The following ATP8A2 variants were observed in gnomAD, a reference collection of about 807,000 sequenced individuals.
ATP8A2 encodes phospholipid-transporting ATPase IB.
In ATP8A2, 100 loss-of-function variants were observed where a neutral mutation model predicts 165.6. That is an observed-to-expected ratio of 0.60 (90% CI 0.51 to 0.71). The LOEUF is 0.71. ATP8A2 is among the 30% of genes least tolerant of loss of function. The probability of loss-of-function intolerance (pLI) is 0.00; values close to 1 mark genes in which losing one functional copy is unlikely to be tolerated. For synonymous variants in ATP8A2, 543 were observed against 548.8 expected, an observed-to-expected ratio of 0.99 and a Z score of 0.15; for missense variants, 1,227 against 1,479.5, an observed-to-expected ratio of 0.83 and a Z score of 2.80.
intron 1 of ATP8A2, among the ~76,000 whole-genome samples, chr13:25,410,148 C>T (rs1433882677): frequency 6.6e-6 from 1 of 151,722 alleles, no homozygotes; most frequent in Non-Finnish European, 1.5e-5. Flanking sequence ...ACCCCATTAG[C>T]GTCTCCCATC....
intron 33 of ATP8A2, among the ~76,000 whole-genome samples, chr13:25,894,501 T>C (rs1393179712): frequency 6.6e-6 from 1 of 152,232 alleles, no homozygotes; most frequent in Non-Finnish European, 1.5e-5. Context: ...TGGCTTAGGA[T>C]TGACTTGGCA....
intron 18 of ATP8A2, among the ~76,000 whole-genome samples, chr13:25,572,687 C>T (rs1025941746): frequency 6.6e-6 from 1 of 152,058 alleles, no homozygotes; most frequent in African/African-American, 2.4e-5. Context: ...TTATTGTTGT[C>T]TGCATTGATG....
intron 2 of ATP8A2, among the ~76,000 whole-genome samples, chr13:25,483,233 G>C (rs1322663504): frequency 6.6e-6 from 1 of 152,238 alleles, no homozygotes; most frequent in African/African-American, 2.4e-5. Flanking sequence ...CACTAGGCAA[G>C]TGTGATTTCC....
At chr13:25,383,235 G>A (rs56013235) in intron 1 of ATP8A2, among the ~76,000 whole-genome samples, 32,114 of 151,534 alleles carry the variant, frequency 0.21, 3,683 homozygotes, top group Middle Eastern at 0.26. Flanking sequence ...TAGTAGAGAC[G>A]GGGTTTCACC....
intron 25 of ATP8A2, among the ~76,000 whole-genome samples, chr13:25,732,286 T>C (rs1454109607): frequency 1.3e-5 from 2 of 152,220 alleles, no homozygotes; most frequent in African/African-American, 2.4e-5. Flanking sequence ...AAAGAATCTG[T>C]ACCAGAATTC....
chr13:25,447,656 C>T (rs973411988), intron 1 of ATP8A2, among the ~76,000 whole-genome samples: 2 of 152,220 alleles, frequency 1.3e-5, no homozygotes, highest in African/African-American at 4.8e-5. Flanking sequence ...TTGCTGTCCA[C>T]AGATGGCTAA....
At chr13:25,973,606 C>T (rs1389713880) in intron 35 of ATP8A2, among the ~76,000 whole-genome samples, 2 of 152,228 alleles carry the variant, frequency 1.3e-5, no homozygotes, top group Non-Finnish European at 2.9e-5. Context: ...CTCCCGAATG[C>T]ATTCTGAGTG....
chr13:25,517,116 G>T (rs1593444332), intron 2 of ATP8A2: 1 of 147,756 alleles, frequency 6.8e-6, no homozygotes. Flanking sequence ...AAAGCACCTG[G>T]TCATGCTCAC....
chr13:25,648,432 G>T (rs4638423), intron 24 of ATP8A2, among the ~76,000 whole-genome samples: 7 of 151,912 alleles, frequency 4.6e-5, no homozygotes, highest in African/African-American at 1.7e-4. Context: ...TTGGGAGGTC[G>T]AGGCAGGTGG....
At chr13:25,771,941 A>G (rs931587227) in intron 26 of ATP8A2, among the ~76,000 whole-genome samples, 1 of 152,034 alleles carries the variant, frequency 6.6e-6, no homozygotes, top group South Asian at 2.1e-4. Flanking sequence ...ATGTGGATGC[A>G]TTTTTTTTAT....
rs761665290 is a variant in ATP8A2, at chr13:25,571,676, C to T, written c.1646C>T (p.Ser549Leu). ...GTCTTCACAGCCAGAACACCATTCT[C>T]AGTCATCATAGAAGCGGTGAGTAAC... is the stretch of plus-strand genomic sequence containing the variant. ...GFVFTARTPF[S>L]VIIEAMGQEQ... Residue 549 changes from serine (S) to leucine (L), a missense_variant, in exon 18 of 37, where the codon TCA (serine) becomes TTA (leucine). Ser to Leu is a moderately radical substitution (Grantham distance 145). Coordinates refer to ENST00000381655, the MANE Select transcript of ATP8A2 (RefSeq NM_016529.6). 3 of 1,614,048 alleles carry T rather than the reference C, an allele frequency of 1.9e-6. No individual in the cohort carries two copies. Among genetic ancestry groups the T allele is most frequent in the Non-Finnish European group, 2.5e-6 (3 of 1,179,908 alleles).
chr13:25,862,945 T>C (rs977115137), intron 33 of ATP8A2, among the ~76,000 whole-genome samples: 4 of 152,188 alleles, frequency 2.6e-5, no homozygotes, highest in Admixed American at 1.3e-4. Flanking sequence ...ATTTGAATGT[T>C]TTTTATTTTT....
At chr13:25,467,754 T>C (rs2035710000) in intron 1 of ATP8A2, among the ~76,000 whole-genome samples, 1 of 152,046 alleles carries the variant, frequency 6.6e-6, no homozygotes, top group South Asian at 2.1e-4. Flanking sequence ...GGTTTCACCG[T>C]GTTAGCCGGG....
intron 24 of ATP8A2, among the ~76,000 whole-genome samples, chr13:25,646,671 A>AAAAAC (rs10675043): frequency 0.24 from 30,033 of 123,872 alleles, 5,711 homozygotes; most frequent in South Asian, 0.45. Context: ...AAAAAAAAAA[A>AAAAAC]CACACAAAAG....
At chr13:25,685,893 T>A (rs547450693) in intron 24 of ATP8A2, among the ~76,000 whole-genome samples, 18 of 152,160 alleles carry the variant, frequency 1.2e-4, no homozygotes, top group Non-Finnish European at 2.4e-4. Flanking sequence ...GCTGCTCTGA[T>A]GGTCCAGGTG....
At position 25,372,153 on chromosome 13, in the gene ATP8A2, C is replaced by G. The variant is rs963235750; in HGVS notation, c.-60C>G. On this transcript the variant is annotated 5_prime_UTR_variant, in exon 1 of 37. Transcript: ENST00000381655. This position sits in a 1 kb window ranked among gnomAD's most constrained non-coding sequence, Gnocchi z 4.8. ...GTCCTCGGGCGGCGGCCCCTGCGCCCAGCCCTGCGCGTAGCCTCCGTCTCT... is the reference window on the plus strand; with the variant it reads ...GTCCTCGGGCGGCGGCCCCTGCGCCGAGCCCTGCGCGTAGCCTCCGTCTCT... 8.0e-7 allele frequency: 1 copy of G among 1,242,864 alleles called. No homozygotes were observed. The highest frequency in any genetic ancestry group is 1.6e-5 in the African/African-American group (1 of 63,706). 77.0% of individuals were successfully genotyped at this position (1,242,864 alleles called of 1,614,324 possible). A position where few individuals can be genotyped will look rare whatever the true frequency, so the allele number is the denominator to read the frequency against.
chr13:25,386,946 G>A (rs554542984), intron 1 of ATP8A2, among the ~76,000 whole-genome samples: 7 of 138,246 alleles, frequency 5.1e-5, no homozygotes, highest in African/African-American at 7.5e-5. Context: ...GCAGTGAGCC[G>A]AGATCGCGCC....
intron 33 of ATP8A2, among the ~76,000 whole-genome samples, chr13:25,895,760 G>A (rs2138921906): frequency 6.6e-6 from 1 of 152,238 alleles, no homozygotes; most frequent in Admixed American, 6.5e-5. Flanking sequence ...GTTTAGTCTT[G>A]GGAGAGGGTA....
At chr13:25,498,089 A>G (rs1215489164) in intron 2 of ATP8A2, among the ~76,000 whole-genome samples, 1 of 152,198 alleles carries the variant, frequency 6.6e-6, no homozygotes, top group Non-Finnish European at 1.5e-5. Flanking sequence ...TGCTCCGGAT[A>G]TGAGTTGAAA....
Sources: gnomAD v4.1 joint callset for allele counts (sites outside exome capture counted in the v4.1 genomes callset) on GRCh38, gnomAD v4.1.1 for gene constraint, Gnocchi (gnomAD v3.1) non-coding constraint, MANE v1.5 for transcripts, NCBI Gene and HGNC (gene_info 2026-07-23, HGNC 2026-07-21) for gene names.